Variants in SAG observed in about 807,000 individuals in gnomAD.
SAG encodes S-arrestin.
Under a neutral mutation model 55.0 loss-of-function variants are expected in SAG, and 45 were observed. The observed-to-expected ratio is 0.82, with a 90% CI of 0.64 to 1.05. SAG has a LOEUF of 1.05. Ranked by LOEUF, SAG falls within the 50% of genes least tolerant of loss-of-function variation. SAG has a pLI of 0.00. For missense variants in SAG, 455 were observed against 512.1 expected (o/e 0.89, Z 1.08); for synonymous variants, 189 against 197.4 (o/e 0.96, Z 0.36).
chr2:233,339,660 T>C (rs966460090), intron 12 of SAG, among the ~76,000 whole-genome samples: 1 of 150,698 alleles, frequency 6.6e-6, no homozygotes, highest in Non-Finnish European at 1.5e-5. Context: ...TTGTGACTTA[T>C]CTTGAATGTT....
In SAG at chr2:233,331,729, G is replaced by A. The variant is rs768349161; in HGVS notation, c.806+17G>A. The A allele has an allele frequency of 1.1e-5, 17 of 1,591,040 alleles. 1 individual carries two copies. Among genetic ancestry groups the A allele is most frequent in the South Asian group, 2.2e-5 (2 of 90,204 alleles). ...GGAAGCGCAGTGAGTAGCTGTTGGG[G>A]TTTCCGTTTCCTGGGCGTCTCAGCC... On this transcript the variant is annotated intron_variant, in intron 10 of 15. Transcript: ENST00000409110.
chr2:233,315,706 C>CTTT (rs59411344), intron 2 of SAG, among the ~76,000 whole-genome samples: 3 of 139,164 alleles, frequency 2.2e-5, no homozygotes, highest in Non-Finnish European at 3.2e-5. Flanking sequence ...TTCTTTCTTT[C>CTTT]TTTTTTTTTT....
At chr2:233,324,771 C>T (rs963956436) in intron 6 of SAG, among the ~76,000 whole-genome samples, 39 of 152,252 alleles carry the variant, frequency 2.6e-4, no homozygotes, top group East Asian at 9.6e-4. Context: ...AAGGGAGCTA[C>T]ACAGAGAGGC....
chr2:233,317,945 G>A (rs74663761), intron 3 of SAG, among the ~76,000 whole-genome samples: 2,773 of 152,214 alleles, frequency 0.018, 108 homozygotes, highest in African/African-American at 0.064. Context: ...AAAAGCATTC[G>A]TATAATTAAG....
In SAG at chr2:233,320,805, G is replaced by C; in HGVS notation, c.357G>C (p.Thr119=). Residue 119 remains threonine (T), a synonymous_variant, in exon 5 of 16, where the codon ACG becomes ACC. Coordinates refer to ENST00000409110, the MANE Select transcript of SAG (RefSeq NM_000541.5). The part of the protein sequence containing the change: ...ESLLKKLGSN[T]YPFLLTFPDY... ...TGCTTAAAAAGCTGGGGAGCAACAC[G>C]TACCCCTTTCTCCTGACGGTGGGTG... 1 of 1,597,256 alleles carries C rather than the reference G, an allele frequency of 6.3e-7. No individual in the cohort carries two copies. The highest frequency in any genetic ancestry group is 1.3e-5 in the African/African-American group (1 of 74,604).
chr2:233,310,737 C>A (rs967498794), intron 2 of SAG, among the ~76,000 whole-genome samples: 2 of 152,064 alleles, frequency 1.3e-5, no homozygotes, highest in Non-Finnish European at 2.9e-5. Flanking sequence ...GAACTCCTGA[C>A]CTCAGGTGAT....
Position 233,346,998 on chromosome 2 carries a change from C to A in SAG, c.*86C>A. On this transcript the variant is annotated 3_prime_UTR_variant, in exon 16 of 16. Transcript: ENST00000409110. ...CACAGTTTAGTCCTTTGGAGTTATG[C>A]TGCGTATGAAAGGATGAGTCTTCTT... The A allele has an allele frequency of 1.4e-6, 1 of 730,600 alleles. No homozygotes were observed. The highest frequency in any genetic ancestry group is 2.7e-5 in the East Asian group (1 of 37,500). The allele number at this position is 730,600 out of a possible 1,614,324, so 45.3% of individuals were successfully genotyped here.
Position 233,316,093 on chromosome 2 carries a change from AAC to A in SAG, c.96_97del (p.Asn32LysfsTer20). ...RDKSVTIYLG[N>X]RDYIDHVSQV... ...CTTGCAGGTGACCATCTACCTGGGG[AAC>A]AGAGACTACATAGACCATGTCAGCC... On this transcript the variant is annotated frameshift_variant, in exon 3 of 16. Coordinates refer to ENST00000409110, the MANE Select transcript of SAG (RefSeq NM_000541.5). LOFTEE classifies it high-confidence loss of function. The A allele has an allele frequency of 1.3e-6, 2 of 1,597,336 alleles. No homozygotes were observed. Among genetic ancestry groups the A allele is most frequent in the Non-Finnish European group, 1.7e-6 (2 of 1,169,962 alleles).
chr2:233,319,427 TA>T lies in SAG; in HGVS notation c.181+635del. 1 of 311,088 alleles carries T rather than the reference TA, an allele frequency of 3.2e-6. No individual in the cohort carries two copies. The highest frequency in any genetic ancestry group is 4.9e-6 in the Non-Finnish European group (1 of 204,030). 19.3% of individuals were successfully genotyped at this position (311,088 alleles called of 1,614,324 possible). A position where few individuals can be genotyped will look rare whatever the true frequency, so the allele number is the denominator to read the frequency against. On this transcript the variant is annotated intron_variant, in intron 4 of 15. Coordinates refer to ENST00000409110, the MANE Select transcript of SAG (RefSeq NM_000541.5). This position sits in a 1 kb window ranked among gnomAD's most constrained non-coding sequence, Gnocchi z 4.4. Reference sequence around the variant, plus strand: ...TAATTTGTTACTAATAACAGTTGCATAAACCAAATTAGAACAGATTCCAGCT... The same window carrying T: ...TAATTTGTTACTAATAACAGTTGCATAACCAAATTAGAACAGATTCCAGCT...
At chr2:233,315,980 G>T (rs1229429559) in intron 2 of SAG, 95 bp from the exon 3 acceptor site, 1 of 737,418 alleles carries the variant, frequency 1.4e-6, no homozygotes, top group Non-Finnish European at 2.4e-6. Context: ...GATTACAGGT[G>T]TGAGCCACCG....
At position 233,309,271 on chromosome 2, in the gene SAG, G is replaced by T. The variant is rs753990994; in HGVS notation, c.75+7G>T. The T allele has an allele frequency of 4.0e-5, 64 of 1,609,036 alleles. No individual in the cohort carries two copies. Among genetic ancestry groups the T allele is most frequent in the Non-Finnish European group, 5.1e-5 (60 of 1,175,784 alleles). On this transcript the variant is annotated splice_region_variant and intron_variant, in intron 2 of 15. Transcript: ENST00000409110. ...GATCTCCCGGGACAAATCGGTGAGTGGTGCACAAGTGAGTGATTTGATAGA... is the reference window on the plus strand; with the variant it reads ...GATCTCCCGGGACAAATCGGTGAGTTGTGCACAAGTGAGTGATTTGATAGA...
intron 2 of SAG, among the ~76,000 whole-genome samples, chr2:233,315,857 C>T: frequency 6.6e-6 from 1 of 151,976 alleles, no homozygotes; most frequent in East Asian, 1.9e-4. Context: ...CGCGTGCCAC[C>T]ACGCCCAGCT....
intron 2 of SAG, among the ~76,000 whole-genome samples, chr2:233,311,388 A>G (rs952713198): frequency 1.3e-5 from 2 of 152,128 alleles, no homozygotes; most frequent in Admixed American, 1.3e-4. Flanking sequence ...AATCTTTCCC[A>G]AGACTCTTCT....
chr2:233,313,225 G>A (rs993249514), intron 2 of SAG, among the ~76,000 whole-genome samples: 24 of 152,154 alleles, frequency 1.6e-4, no homozygotes, highest in Non-Finnish European at 2.9e-4. Context: ...GCGTGGGTAG[G>A]ATTTCCCCCA....
intron 9 of SAG, among the ~76,000 whole-genome samples, chr2:233,330,388 A>G (rs1305820591): frequency 6.6e-6 from 1 of 152,136 alleles, no homozygotes; most frequent in Non-Finnish European, 1.5e-5. Context: ...TAGGTGTCAT[A>G]TACCACTTTT....
intron 11 of SAG, among the ~76,000 whole-genome samples, chr2:233,335,360 AGTT>A (rs1217947861): frequency 1.2e-3 from 189 of 152,326 alleles, no homozygotes; most frequent in African/African-American, 4.2e-3. Context: ...AAACACCTTG[AGTT>A]CTCTGAGAAC....
At chr2:233,312,626 A>G (rs752817472) in intron 2 of SAG, among the ~76,000 whole-genome samples, 18 of 152,190 alleles carry the variant, frequency 1.2e-4, no homozygotes, top group Non-Finnish European at 2.4e-4. Flanking sequence ...GCCACGTCCT[A>G]TGAGACCATT....
At chr2:233,321,302 G>C (rs1186575128) in intron 5 of SAG, among the ~76,000 whole-genome samples, 1 of 152,190 alleles carries the variant, frequency 6.6e-6, no homozygotes. Context: ...TACCAACGGT[G>C]CCAGCGTGCA....
chr2:233,338,810 A>G, intron 12 of SAG, 57 bp downstream of exon 12: 3 of 1,430,290 alleles, frequency 2.1e-6, no homozygotes, highest in Non-Finnish European at 2.0e-6. Flanking sequence ...GATGGTCTGA[A>G]CTTTTCCTTT....
Sources: allele counts gnomAD v4.1 joint callset (sites outside exome capture counted in the v4.1 genomes callset), GRCh38; gene constraint gnomAD v4.1.1; non-coding constraint Gnocchi (gnomAD v3.1); transcripts MANE v1.5; gene names NCBI Gene and HGNC (gene_info 2026-07-23, HGNC 2026-07-21).